ADAM19: variants seen among roughly 807,000 people sequenced by gnomAD.
ADAM19 encodes the protein ADAM metallopeptidase domain 19.
Under a neutral mutation model 114.7 loss-of-function variants are expected in ADAM19, and 65 were observed. The ratio of observed to expected loss-of-function variants is 0.57; its 90% CI spans 0.46 to 0.70. The LOEUF (loss-of-function observed/expected upper bound fraction) is 0.70, where lower values mean the gene tolerates loss of function less well. Ranked by LOEUF, ADAM19 falls within the 30% of genes least tolerant of loss-of-function variation. The probability of loss-of-function intolerance (pLI) is 0.00; values close to 1 mark genes in which losing one functional copy is unlikely to be tolerated. For synonymous variants in ADAM19, 466 were observed against 460.5 expected, an observed-to-expected ratio of 1.01 and a Z score of -0.15; for missense variants, 1,063 against 1,204.7, an observed-to-expected ratio of 0.88 and a Z score of 1.74.
intron 5 of ADAM19, among the ~76,000 whole-genome samples, chr5:157,525,008 A>C (rs1468158828): frequency 6.6e-6 from 1 of 152,242 alleles, no homozygotes. Context: ...ATCAAAGCAA[A>C]GTCCCTGCTG....
intron 19 of ADAM19, 144 bp downstream of exon 19, chr5:157,490,166 T>C (rs1253634779): frequency 4.1e-5 from 35 of 844,512 alleles, no homozygotes; most frequent in Non-Finnish European, 6.0e-5. Context: ...GTCACAGTCA[T>C]AGCAGGGGAG....
At position 157,513,432 on chromosome 5, in the gene ADAM19, A is replaced by G; in HGVS notation, c.738+2T>C. 1.9e-6 allele frequency: 3 copies of G among 1,613,530 alleles called. No homozygotes were observed. Among genetic ancestry groups the G allele is most frequent in the Non-Finnish European group, 2.5e-6 (3 of 1,179,670 alleles). On this transcript the variant is annotated splice_donor_variant, in intron 8 of 22. Transcript: ENST00000257527. LOFTEE classifies it high-confidence loss of function. ...TCCCACAAAGTACACACCTGGTCTC[A>G]CCTTATCAACATAGTTGGCGATCTC... is the stretch of plus-strand genomic sequence containing the variant.
intron 3 of ADAM19, among the ~76,000 whole-genome samples, chr5:157,543,455 G>A (rs1756970960): frequency 1.3e-5 from 2 of 152,180 alleles, no homozygotes; most frequent in South Asian, 2.1e-4. Context: ...ATCATAAAAT[G>A]AGGAGAATGA....
chr5:157,575,661 C>A lies in ADAM19; in HGVS notation c.36G>T (p.Leu12Phe), dbSNP rs779674969. ...PGGAGAARLC[L>F]LAFALQPLRP... The stretch of plus-strand genomic sequence containing the variant: ...GGAGGGGCTGCAGGGCAAACGCCAG[C>A]AAGCAGAGCCGGGCGGCGCCTGCGC... Residue 12 changes from leucine (L) to phenylalanine (F), a missense_variant, in exon 1 of 23, where the codon TTG becomes TTT. By Grantham distance (22) the Leu-to-Phe change is conservative (BLOSUM62 0). This residue lies in a region of ADAM19 where 615 missense variants were observed against 706.3 expected (regional missense o/e 0.87). Transcript: ENST00000257527. 9.1e-5 allele frequency: 126 copies of A among 1,383,496 alleles called. No individual in the cohort carries two copies. Among genetic ancestry groups the A allele is most frequent in the Non-Finnish European group, 1.9e-5 (20 of 1,077,110 alleles). 85.7% of individuals were successfully genotyped at this position (1,383,496 alleles called of 1,614,324 possible).
chr5:157,496,997 G>A lies in ADAM19; in HGVS notation c.1491C>T (p.Asn497=). The change falls in exon 14 of 23, where the codon AAC becomes AAT. Residue 497 remains asparagine, a synonymous_variant. Coordinates refer to ENST00000257527, the MANE Select transcript of ADAM19 (RefSeq NM_033274.5). ...AGGGGGTACCATCCATCTGGTAGAA[G>A]TTGGTAGGGCAGTGGGGAGACTTGC... ...CTGKSPHCPT[N]FYQMDGTPCE... is the part of the protein sequence containing the mutation. The A allele has an allele frequency of 1.3e-6, 2 of 1,598,752 alleles. No individual in the cohort carries two copies. Among genetic ancestry groups the A allele is most frequent in the Non-Finnish European group, 1.7e-6 (2 of 1,173,538 alleles).
intron 7 of ADAM19, 62 bp from the exon 8 acceptor site, chr5:157,513,567 C>T (rs993371108): frequency 1.1e-5 from 16 of 1,411,118 alleles, no homozygotes; most frequent in Middle Eastern, 1.8e-4. Context: ...CTTCCTGCGC[C>T]CCATTACTTG....
rs1421948340 is a variant in ADAM19, at chr5:157,490,195, C to T, written c.2240+115G>A. 11 of 1,186,682 alleles carry T rather than the reference C, an allele frequency of 9.3e-6. No individual in the cohort carries two copies. In the Admixed American group the frequency reaches 1.1e-4, roughly 12 times the overall value. 73.5% of individuals were successfully genotyped at this position (1,186,682 alleles called of 1,614,324 possible). On this transcript the variant is annotated intron_variant, in intron 19 of 22. Coordinates refer to ENST00000257527, the MANE Select transcript of ADAM19 (RefSeq NM_033274.5). ...AGGGGAGAGGGCAGCATGTATCTTG[C>T]ACTTGTCTTCCCTGAATTAGACCCA...
intron 3 of ADAM19, among the ~76,000 whole-genome samples, chr5:157,557,096 C>A (rs1757388207): frequency 6.6e-6 from 1 of 152,068 alleles, no homozygotes; most frequent in Non-Finnish European, 1.5e-5. Context: ...TTGGTAGAGA[C>A]AGGGTTTTGC....
chr5:157,566,196 A>T (rs1757658129), intron 2 of ADAM19: 2 of 152,176 alleles, frequency 1.3e-5, no homozygotes, highest in Admixed American at 1.3e-4. Flanking sequence ...ATAAATGATG[A>T]TCCATTCATA....
chr5:157,568,913 G>A (rs1292396721), intron 2 of ADAM19: 1 of 152,104 alleles, frequency 6.6e-6, no homozygotes, highest in African/African-American at 2.4e-5. Context: ...CCCATATGCT[G>A]GGCAGACAAT....
intron 3 of ADAM19, among the ~76,000 whole-genome samples, 175 bp downstream of exon 3, chr5:157,564,198 G>A (rs11465266): frequency 3.9e-5 from 6 of 152,178 alleles, no homozygotes; most frequent in African/African-American, 1.4e-4. Context: ...ATCTCACATC[G>A]AGTCAAGAGG....
chr5:157,497,133 A>T (rs774145843), intron 13 of ADAM19, 44 bp from the exon 14 acceptor site: 1 of 1,435,596 alleles, frequency 7.0e-7, no homozygotes, highest in Non-Finnish European at 9.1e-7. Flanking sequence ...TCTCCTCCCC[A>T]CCCTCAACCC....
At chr5:157,559,753 A>G (rs1015895916) in intron 3 of ADAM19, among the ~76,000 whole-genome samples, 4 of 152,326 alleles carry the variant, frequency 2.6e-5, no homozygotes, top group African/African-American at 9.6e-5. Flanking sequence ...ACAGCAGTCT[A>G]TAATTTCTGC....
chr5:157,498,994 C>T (rs1041746122), intron 13 of ADAM19, among the ~76,000 whole-genome samples: 1 of 152,010 alleles, frequency 6.6e-6, no homozygotes, highest in Non-Finnish European at 1.5e-5. Context: ...TACGGTAACA[C>T]TAGCAGCAAC....
At chr5:157,481,598 C>A (rs559126663) in intron 22 of ADAM19, 193 bp downstream of exon 22, 1 of 1,529,928 alleles carries the variant, frequency 6.5e-7, no homozygotes, top group Non-Finnish European at 8.8e-7. Flanking sequence ...CTAAGAATCA[C>A]CTTTCACATG....
intron 1 of ADAM19, among the ~76,000 whole-genome samples, chr5:157,573,197 A>T (rs1317544655): frequency 6.6e-6 from 1 of 152,242 alleles, no homozygotes; most frequent in Admixed American, 6.5e-5. Flanking sequence ...AATCTCACCA[A>T]AAGAGGAACA....
intron 14 of ADAM19, among the ~76,000 whole-genome samples, chr5:157,495,857 C>T (rs1755345071): frequency 6.6e-6 from 1 of 151,178 alleles, no homozygotes; most frequent in African/African-American, 2.4e-5. Context: ...TGGTCTTGAA[C>T]TCCTGACCTC....
chr5:157,481,003 C>G lies in ADAM19; in HGVS notation c.2704-1G>C, dbSNP rs1754728544. ...CCCTCTGTGATCTGTATTCTGGAAA[C>G]TGGGAAGAAAAAGAAGGGAGGGAGA... is the stretch of plus-strand genomic sequence containing the variant. On this transcript the variant is annotated splice_acceptor_variant, in intron 22 of 22. Coordinates refer to ENST00000257527, the MANE Select transcript of ADAM19 (RefSeq NM_033274.5). LOFTEE classifies it high-confidence loss of function. 6.2e-7 allele frequency: 1 copy of G among 1,613,974 alleles called. No homozygotes were observed. Among genetic ancestry groups the G allele is most frequent in the Admixed American group, 1.7e-5 (1 of 59,998 alleles).
intron 2 of ADAM19, 76 bp from the exon 3 acceptor site, chr5:157,564,519 A>C: frequency 1.6e-6 from 2 of 1,225,440 alleles, no homozygotes; most frequent in Non-Finnish European, 2.4e-6. Flanking sequence ...AGGATCTAGC[A>C]CAGCGCTCCA....
Sources: allele counts gnomAD v4.1 joint callset (sites outside exome capture counted in the v4.1 genomes callset), GRCh38; gene constraint gnomAD v4.1.1; regional missense constraint gnomAD v4.1.1; transcripts MANE v1.5; gene names NCBI Gene and HGNC (gene_info 2026-07-23, HGNC 2026-07-21).